DIAPH3: variants seen among roughly 807,000 people sequenced by gnomAD.
DIAPH3 encodes the protein diaphanous related formin 3.
Under a neutral mutation model 144.3 loss-of-function variants are expected in DIAPH3, and 117 were observed. The ratio of observed to expected loss-of-function variants is 0.81; its 90% CI spans 0.70 to 0.95. The LOEUF (loss-of-function observed/expected upper bound fraction) is 0.95, where lower values mean the gene tolerates loss of function less well. Among genes scored for constraint, DIAPH3 ranks in the 40% least tolerant of loss-of-function variants. DIAPH3 has a pLI of 0.00. For missense variants in DIAPH3, 1,421 were observed against 1,412.7 expected, an observed-to-expected ratio of 1.01 and a Z score of -0.09; for synonymous variants, 519 against 488.9, an observed-to-expected ratio of 1.06 and a Z score of -0.81.
intron 4 of DIAPH3, among the ~76,000 whole-genome samples, chr13:60,068,107 A>C (rs1194866266): frequency 6.6e-6 from 1 of 152,172 alleles, no homozygotes; most frequent in Non-Finnish European, 1.5e-5. Context: ...GTCTTAATTC[A>C]CTTCACCATC....
intron 25 of DIAPH3, among the ~76,000 whole-genome samples, chr13:59,799,140 T>C (rs1042408515): frequency 6.6e-6 from 1 of 152,008 alleles, no homozygotes; most frequent in Non-Finnish European, 1.5e-5. Flanking sequence ...TCTATTTGGT[T>C]ACCATTCAAA....
At chr13:59,724,303 A>C (rs1281406002) in intron 27 of DIAPH3, among the ~76,000 whole-genome samples, 38 of 152,222 alleles carry the variant, frequency 2.5e-4, no homozygotes, top group Admixed American at 2.5e-3. Flanking sequence ...TGTGTGAACT[A>C]TCACTGCAGA....
chr13:59,825,109 C>A (rs1175805952), intron 24 of DIAPH3, among the ~76,000 whole-genome samples: 1 of 151,882 alleles, frequency 6.6e-6, no homozygotes, highest in Non-Finnish European at 1.5e-5. Context: ...CATATGTATA[C>A]ATGTGCCATG....
At chr13:59,971,653 C>T (rs2050386819) in intron 15 of DIAPH3, among the ~76,000 whole-genome samples, 1 of 152,160 alleles carries the variant, frequency 6.6e-6, no homozygotes, top group South Asian at 2.1e-4. Context: ...CATGACTTTG[C>T]TCAAATCTTC....
rs73208932 is a variant in DIAPH3 at position 59,775,040 on chromosome 13, C to T, written c.3164-217G>A. ...TCATTAGTGCCTATGTTACTGTGCA[C>T]TAAAGGGACCGAGTTCCACGGATTC... On this transcript the variant is annotated intron_variant, in intron 25 of 27. Coordinates refer to ENST00000400324, the MANE Select transcript of DIAPH3 (RefSeq NM_001042517.2). Among the ~76,000 whole-genome samples the T allele has an allele frequency of 0.031, 4,699 of 152,256 alleles. 112 individuals carry two copies. Among genetic ancestry groups the T allele is most frequent in the Non-Finnish European group, 0.042 (2,871 of 68,016 alleles).
At chr13:59,866,988 G>A (rs1214313050) in intron 21 of DIAPH3, among the ~76,000 whole-genome samples, 3 of 150,986 alleles carry the variant, frequency 2.0e-5, no homozygotes, top group African/African-American at 7.3e-5. Flanking sequence ...ACGTGTGCTT[G>A]TGTGTGTGCC....
chr13:59,810,761 A>C, intron 25 of DIAPH3, 27 bp downstream of exon 25: 1 of 1,609,774 alleles, frequency 6.2e-7, no homozygotes, highest in Non-Finnish European at 8.5e-7. Context: ...TATACATAGA[A>C]TAAATAACAA....
Position 59,833,357 on chromosome 13 carries a change from A to T in DIAPH3, c.2863-86T>A, listed in dbSNP as rs570152807. ...TCTGTAAATCCAATGTTTTAGTCTA[A>T]TAGCCACCATTACTATATTTCCAAA... On this transcript the variant is annotated intron_variant, in intron 23 of 27. Coordinates refer to ENST00000400324, the MANE Select transcript of DIAPH3 (RefSeq NM_001042517.2). 1.1e-5 allele frequency: 11 copies of T among 1,008,312 alleles called. No homozygotes were observed. In the Admixed American group the frequency reaches 2.3e-4, roughly 21 times the overall value. The allele number at this position is 1,008,312 out of a possible 1,614,324, so 62.5% of individuals were successfully genotyped here.
intron 18 of DIAPH3, among the ~76,000 whole-genome samples, chr13:59,918,944 CAA>C (rs34985752): frequency 0.068 from 8,001 of 117,398 alleles, 340 homozygotes; most frequent in East Asian, 0.23. Flanking sequence ...CAAGAAAATA[CAA>C]AAAAAAAAAA....
At chr13:59,914,063 A>T (rs1376083294) in intron 19 of DIAPH3, among the ~76,000 whole-genome samples, 1 of 152,208 alleles carries the variant, frequency 6.6e-6, no homozygotes, top group Non-Finnish European at 1.5e-5. Flanking sequence ...TAAATGACTG[A>T]TGTGACAAAC....
intron 7 of DIAPH3, among the ~76,000 whole-genome samples, chr13:60,011,234 AG>A (rs1479185176): frequency 1.3e-5 from 2 of 152,232 alleles, no homozygotes; most frequent in African/African-American, 4.8e-5. Context: ...AGACAGGTTA[AG>A]TAGCCAAATT....
At chr13:59,700,909 T>C (rs190367304) in intron 27 of DIAPH3, among the ~76,000 whole-genome samples, 80 of 152,334 alleles carry the variant, frequency 5.3e-4, no homozygotes, top group Admixed American at 1.4e-3. Flanking sequence ...TAGTTCCTTT[T>C]ATTATTTTAA....
chr13:60,118,911 C>A (rs1289796179), intron 2 of DIAPH3, among the ~76,000 whole-genome samples: 3 of 152,234 alleles, frequency 2.0e-5, no homozygotes, highest in Non-Finnish European at 4.4e-5. Flanking sequence ...CGTCACAGCA[C>A]ACAGTACAGT....
At chr13:59,884,665 A>G (rs1184843072) in intron 20 of DIAPH3, among the ~76,000 whole-genome samples, 1 of 152,046 alleles carries the variant, frequency 6.6e-6, no homozygotes, top group African/African-American at 2.4e-5. Flanking sequence ...AAAATTTTTG[A>G]GCTTGATTTT....
At chr13:60,160,444 C>T (rs926546516) in intron 1 of DIAPH3, among the ~76,000 whole-genome samples, 2 of 152,186 alleles carry the variant, frequency 1.3e-5, no homozygotes, top group African/African-American at 4.8e-5. Context: ...GACCTACATC[C>T]TAGAGATGGA....
chr13:59,963,642 A>T (rs1174064447), intron 17 of DIAPH3, among the ~76,000 whole-genome samples: 2 of 138,440 alleles, frequency 1.4e-5, no homozygotes, highest in Admixed American at 7.2e-5. Context: ...AATGGGGGGG[A>T]GGGGAAGGGG....
intron 20 of DIAPH3, among the ~76,000 whole-genome samples, chr13:59,907,984 T>C (rs1008265944): frequency 1.3e-5 from 2 of 152,288 alleles, no homozygotes; most frequent in African/African-American, 2.4e-5. Context: ...TACAATTTAA[T>C]AGAAATTGAC....
chr13:59,808,810 T>C (rs1292885436), intron 25 of DIAPH3, among the ~76,000 whole-genome samples: 1 of 152,158 alleles, frequency 6.6e-6, no homozygotes, highest in Non-Finnish European at 1.5e-5. Context: ...TTTACTAGGA[T>C]CATAGCTACT....
At chr13:60,037,900 T>C (rs2055346217) in intron 5 of DIAPH3, among the ~76,000 whole-genome samples, 1 of 152,064 alleles carries the variant, frequency 6.6e-6, no homozygotes, top group African/African-American at 2.4e-5. Flanking sequence ...GGGAAAAATG[T>C]AAACAGCTGC....
Sources: allele counts gnomAD v4.1 joint callset (sites outside exome capture counted in the v4.1 genomes callset), GRCh38; gene constraint gnomAD v4.1.1; transcripts MANE v1.5; gene names NCBI Gene and HGNC (gene_info 2026-07-23, HGNC 2026-07-21).